Variants in LARGE1 observed in about 807,000 individuals in gnomAD.
LARGE1 encodes xylosyl- and glucuronyltransferase LARGE1.
In LARGE1, 43 loss-of-function variants were observed where a neutral mutation model predicts 87.6. That is an observed-to-expected ratio of 0.49 (90% CI 0.38 to 0.63). LARGE1 has a LOEUF of 0.63. LARGE1 is among the 30% of genes least tolerant of loss of function. LARGE1 has a pLI of 0.00. For synonymous variants in LARGE1, 434 were observed against 394.6 expected (o/e 1.10, Z -1.18); for missense variants, 802 against 1,000.2 (o/e 0.80, Z 2.67).
the LARGE1 span, among the ~76,000 whole-genome samples, chr22:33,078,940 G>A: frequency 2.0e-5 from 3 of 152,230 alleles, no homozygotes; most frequent in Admixed American, 2.0e-4. Context: ...AGGCATGGAA[G>A]TGTGAAACTA....
At chr22:33,689,573 C>A (rs115887028) in intron 2 of LARGE1, among the ~76,000 whole-genome samples, 1 of 151,946 alleles carries the variant, frequency 6.6e-6, no homozygotes, top group Non-Finnish European at 1.5e-5. Flanking sequence ...GTAGAAATGA[C>A]AGAAAGAAGA....
intron 4 of LARGE1, among the ~76,000 whole-genome samples, chr22:33,620,663 T>C (rs995747484): frequency 6.6e-6 from 1 of 152,200 alleles, no homozygotes; most frequent in Non-Finnish European, 1.5e-5. Context: ...GGCTCACACC[T>C]GTAACCCCAG....
At chr22:33,629,251 G>A (rs895940735) in intron 3 of LARGE1, among the ~76,000 whole-genome samples, 1 of 152,162 alleles carries the variant, frequency 6.6e-6, no homozygotes, top group Non-Finnish European at 1.5e-5. Context: ...ACATAACTGG[G>A]AAGGGGATGA....
chr22:33,862,285 A>G (rs1028191909), intron 1 of LARGE1, among the ~76,000 whole-genome samples: 3 of 152,206 alleles, frequency 2.0e-5, no homozygotes, highest in Non-Finnish European at 4.4e-5. Flanking sequence ...AGATCCTGTA[A>G]GCTGCCATGG....
At chr22:33,557,712 A>G (rs2077734023) in intron 6 of LARGE1, among the ~76,000 whole-genome samples, 1 of 152,074 alleles carries the variant, frequency 6.6e-6, no homozygotes, top group South Asian at 2.1e-4. Context: ...ATTACAGGTG[A>G]CTGCCACCAT....
intron 9 of LARGE1, among the ~76,000 whole-genome samples, chr22:33,368,533 CAAAAAAA>C (rs34999879): frequency 1.8e-4 from 21 of 115,708 alleles, no homozygotes; most frequent in African/African-American, 4.7e-4. Flanking sequence ...GACTCTTTCT[CAAAAAAA>C]AAAAAAAAAA....
the LARGE1 span, among the ~76,000 whole-genome samples, chr22:33,147,182 G>A: frequency 6.6e-6 from 1 of 152,172 alleles, no homozygotes; most frequent in Admixed American, 6.5e-5. Context: ...TTCCAGGGAT[G>A]GGCTATTATA....
the LARGE1 span, among the ~76,000 whole-genome samples, chr22:33,070,112 G>T: frequency 2.7e-3 from 406 of 152,246 alleles, no homozygotes; most frequent in South Asian, 9.3e-3. Flanking sequence ...ATGAGCTGCC[G>T]CTCCTGGCCT....
intron 9 of LARGE1, among the ~76,000 whole-genome samples, chr22:33,354,231 T>C (rs1234497027): frequency 6.6e-6 from 1 of 152,238 alleles, no homozygotes; most frequent in Non-Finnish European, 1.5e-5. Flanking sequence ...AAAATAAATG[T>C]TTGAAATTGT....
intron 11 of LARGE1, among the ~76,000 whole-genome samples, chr22:33,250,718 T>C (rs1926975145): frequency 6.6e-6 from 1 of 152,206 alleles, no homozygotes; most frequent in Non-Finnish European, 1.5e-5. Flanking sequence ...TGATTGACTT[T>C]TGGATTCTGT....
chr22:33,743,441 T>C (rs756049619), intron 2 of LARGE1, among the ~76,000 whole-genome samples: 1 of 152,010 alleles, frequency 6.6e-6, no homozygotes, highest in Non-Finnish European at 1.5e-5. Flanking sequence ...CACTGACTCT[T>C]TCTTTCTCTC....
At chr22:33,381,632 T>C (rs1374651396) in intron 9 of LARGE1, among the ~76,000 whole-genome samples, 1 of 151,980 alleles carries the variant, frequency 6.6e-6, no homozygotes, top group Non-Finnish European at 1.5e-5. Context: ...GTTGAATGAA[T>C]AGATTTGGGG....
chr22:33,298,957 C>G (rs540691283), intron 12 of LARGE1, among the ~76,000 whole-genome samples: 79 of 151,194 alleles, frequency 5.2e-4, no homozygotes, highest in Non-Finnish European at 1.0e-3. Context: ...GCCTGTAATC[C>G]CAGCACTTTG....
At chr22:33,205,654 C>A (rs778383332) in intron 11 of LARGE1, among the ~76,000 whole-genome samples, 2 of 152,190 alleles carry the variant, frequency 1.3e-5, no homozygotes, top group African/African-American at 4.8e-5. Flanking sequence ...GAAACAGGCT[C>A]TTGTCAAGTT....
At chr22:33,871,426 G>C (rs939272238) in intron 1 of LARGE1, among the ~76,000 whole-genome samples, 1 of 152,154 alleles carries the variant, frequency 6.6e-6, no homozygotes, top group Admixed American at 6.5e-5. Flanking sequence ...CAGCCTGCCA[G>C]GTGCTCCATC....
In LARGE1 at chr22:33,799,543, C is replaced by T. The variant is rs140334445; in HGVS notation, c.-82-37985G>A. On this transcript the variant is annotated intron_variant, in intron 1 of 14. Coordinates refer to ENST00000397394, the MANE Select transcript of LARGE1 (RefSeq NM_133642.5). ...ACAACCTCCCCCTCCTGGGTTCAAG[C>T]GATTCTCCTGCCTCAGCTGCCCAGG... 1.1e-3 allele frequency among the ~76,000 whole-genome samples: 161 copies of T among 152,184 alleles called. 1 individual carries two copies. In the East Asian group the frequency reaches 0.025, roughly 24 times the overall value.
chr22:33,515,126 A>T (rs77823003), intron 6 of LARGE1, among the ~76,000 whole-genome samples: 2,162 of 152,174 alleles, frequency 0.014, 16 homozygotes, highest in Middle Eastern at 0.034. Context: ...GCTAAAAAAA[A>T]AAAAAATAAA....
intron 1 of LARGE1, among the ~76,000 whole-genome samples, chr22:33,784,992 C>CATATATGTGTATACACACATATGTGTAT (rs1569445596): frequency 6.8e-6 from 1 of 146,334 alleles, no homozygotes; most frequent in Non-Finnish European, 1.5e-5. Context: ...CATATGTGTA[C>CATATATGTGTATACACACATATGTGTAT]GTGTATATAC....
intron 11 of LARGE1, among the ~76,000 whole-genome samples, chr22:33,309,557 TG>T (rs1935330853): frequency 6.6e-6 from 1 of 152,152 alleles, no homozygotes; most frequent in Admixed American, 6.5e-5. Context: ...AGCCAGGAAG[TG>T]CCCCCTCGCC....
Sources: gnomAD v4.1 joint callset for allele counts (sites outside exome capture counted in the v4.1 genomes callset) on GRCh38, gnomAD v4.1.1 for gene constraint, MANE v1.5 for transcripts, NCBI Gene and HGNC (gene_info 2026-07-23, HGNC 2026-07-21) for gene names.